ACSM6: variants seen among roughly 807,000 people sequenced by gnomAD.
The protein encoded by ACSM6 is acyl-CoA synthetase medium chain family member 6.
Under a neutral mutation model 51.1 loss-of-function variants are expected in ACSM6, and 35 were observed. The observed-to-expected ratio is 0.69, with a 90% confidence interval of 0.52 to 0.91. The LOEUF (loss-of-function observed/expected upper bound fraction) is 0.91, where lower values mean the gene tolerates loss of function less well. Ranked by LOEUF, ACSM6 falls within the 40% of genes least tolerant of loss-of-function variation. ACSM6 has a pLI of 0.00. For synonymous variants in ACSM6, 172 were observed against 207.3 expected, an observed-to-expected ratio of 0.83 and a Z score of 1.46; for missense variants, 509 against 584.1, an observed-to-expected ratio of 0.87 and a Z score of 1.32.
intron 3 of ACSM6, among the ~76,000 whole-genome samples, chr10:95,203,127 G>A (rs1401464799): frequency 6.6e-6 from 1 of 152,020 alleles, no homozygotes; most frequent in Non-Finnish European, 1.5e-5. Flanking sequence ...CCTCCTGTCA[G>A]ATCAGAGGTG....
intron 5 of ACSM6, among the ~76,000 whole-genome samples, chr10:95,211,474 G>C (rs1379195270): frequency 6.6e-6 from 1 of 152,212 alleles, no homozygotes; most frequent in Non-Finnish European, 1.5e-5. Flanking sequence ...AGCGGAAATA[G>C]GTGTATGTTC....
exon 6 of ACSM6, chr10:95,211,905 T>G (rs139893544): frequency 6.2e-7 from 1 of 1,610,704 alleles, no homozygotes. Context: ...AGCCAACAGA[T>G]GTCTTGTGGA....
intron 9 of ACSM6, among the ~76,000 whole-genome samples, chr10:95,224,683 A>C (rs1050559174): frequency 1.3e-5 from 2 of 152,052 alleles, no homozygotes; most frequent in African/African-American, 4.8e-5. Context: ...TACAGGCGTG[A>C]GCCACCACGC....
At chr10:95,197,417 G>T (rs1315896860) in intron 2 of ACSM6, among the ~76,000 whole-genome samples, 12 of 152,222 alleles carry the variant, frequency 7.9e-5, no homozygotes, top group East Asian at 5.8e-4. Flanking sequence ...AATGTAGTAG[G>T]AGGGCAGGGT....
chr10:95,225,343 A>G, exon 10 of ACSM6: 1 of 1,551,742 alleles, frequency 6.4e-7, no homozygotes. Flanking sequence ...GAAATATTGC[A>G]ATCCGCATAA....
chr10:95,198,961 C>T (rs2034763754), intron 2 of ACSM6, among the ~76,000 whole-genome samples: 1 of 152,166 alleles, frequency 6.6e-6, no homozygotes, highest in African/African-American at 2.4e-5. Context: ...CCATCTCCAT[C>T]AAGCTACCAA....
In ACSM6 at chr10:95,206,664, G is replaced by A. The variant is rs557769298; in HGVS notation, c.404-544G>A. The stretch of plus-strand genomic sequence containing the variant: ...CTAAGCCTGAAAACTAAAAAGAAGC[G>A]TCTGTCAGAAGAGCCTCTGGCACAC... On this transcript the variant is annotated intron_variant, in intron 3 of 10. Transcript: ENST00000341686. Among the ~76,000 whole-genome samples the A allele has an allele frequency of 3.1e-4, 47 of 152,258 alleles. No homozygotes were observed. In the East Asian group the frequency reaches 5.0e-3, roughly 16 times the overall value.
At chr10:95,219,681 A>G (rs532652679) in intron 8 of ACSM6, among the ~76,000 whole-genome samples, 1 of 152,072 alleles carries the variant, frequency 6.6e-6, no homozygotes, top group South Asian at 2.1e-4. Context: ...TATGGTTTAC[A>G]TGTTCTTCTG....
chr10:95,214,958 T>TA lies in ACSM6; in HGVS notation c.1103dup (p.Tyr368Ter). The change falls in exon 8 of 11, where the codon TAT (tyrosine) becomes TAAT (stop). Residue 368 changes from tyrosine to a stop codon, truncating the protein, a stop_gained and frameshift_variant. Coordinates refer to ENST00000341686, the Ensembl canonical transcript of ACSM6. LOFTEE classifies it high-confidence loss of function. ...CACTAAGTTGGACATCTATGAAGGC[T>TA]ATGGGCAGACGGAAACTGTAGGTTG... is the stretch of plus-strand genomic sequence containing the variant. 1 of 1,551,600 alleles carries TA rather than the reference T, an allele frequency of 6.4e-7. No homozygotes were observed. The highest frequency in any genetic ancestry group is 8.7e-7 in the Non-Finnish European group (1 of 1,146,904).
chr10:95,198,416 C>T (rs1247735840), intron 2 of ACSM6, among the ~76,000 whole-genome samples: 1 of 152,072 alleles, frequency 6.6e-6, no homozygotes, highest in African/African-American at 2.4e-5. Context: ...TTTGGGAGGC[C>T]GAGGCAGGTG....
chr10:95,208,154 A>G (rs1470789741), intron 4 of ACSM6, among the ~76,000 whole-genome samples: 2 of 152,020 alleles, frequency 1.3e-5, no homozygotes, highest in Non-Finnish European at 2.9e-5. Context: ...AAAAAAAAAG[A>G]AATAATGTCT....
At position 95,225,200 on chromosome 10, in the gene ACSM6, T is replaced by C. The variant is rs2133395417; in HGVS notation, c.1201-90T>C. ...ACTTTCCTGGCATCTTAAATGGGGG[T>C]AGAAAGGCTTAAGTTTAGATCTTGT... On this transcript the variant is annotated intron_variant, in intron 9 of 10. Coordinates refer to ENST00000341686, the Ensembl canonical transcript of ACSM6. 9 of 939,806 alleles carry C rather than the reference T, an allele frequency of 9.6e-6. No individual in the cohort carries two copies. In the East Asian group the frequency reaches 1.9e-4, roughly 19 times the overall value. 58.2% of individuals were successfully genotyped at this position (939,806 alleles called of 1,614,324 possible).
At chr10:95,207,830 T>C (rs55740007) in intron 4 of ACSM6, among the ~76,000 whole-genome samples, 6,407 of 152,198 alleles carry the variant, frequency 0.042, 486 homozygotes, top group African/African-American at 0.14. Context: ...GAAATCATGG[T>C]CGCACATGGT....
intron 8 of ACSM6, among the ~76,000 whole-genome samples, chr10:95,217,607 T>C (rs1430503577): frequency 2.6e-5 from 4 of 152,228 alleles, no homozygotes; most frequent in Non-Finnish European, 1.5e-5. Context: ...GGGAATTCCA[T>C]AATCTTGGTA....
At chr10:95,220,011 G>C (rs773710442) in intron 9 of ACSM6, 40 bp downstream of exon 9, 1 of 1,496,136 alleles carries the variant, frequency 6.7e-7, no homozygotes, top group East Asian at 2.3e-5. Context: ...ATATTATTAA[G>C]TGAGCTCTTA....
intron 2 of ACSM6, among the ~76,000 whole-genome samples, chr10:95,200,544 G>A (rs2034783425): frequency 6.9e-6 from 1 of 144,334 alleles, no homozygotes; most frequent in African/African-American, 2.6e-5. Context: ...AGAAGAAGAT[G>A]AAAAGAAGAA....
intron 8 of ACSM6, among the ~76,000 whole-genome samples, chr10:95,216,396 C>T (rs936390122): frequency 6.6e-6 from 1 of 152,086 alleles, no homozygotes; most frequent in African/African-American, 2.4e-5. Flanking sequence ...CCCTGGAGAT[C>T]AGGATCAAGG....
At chr10:95,212,030 T>G in exon 6 of ACSM6, 1 of 1,614,020 alleles carries the variant, frequency 6.2e-7, no homozygotes, top group Non-Finnish European at 8.5e-7. Flanking sequence ...GAGACTGTTC[T>G]AAATGTAAGA....
intron 2 of ACSM6, among the ~76,000 whole-genome samples, chr10:95,196,805 C>T (rs1238025359): frequency 6.6e-6 from 1 of 152,210 alleles, no homozygotes; most frequent in Non-Finnish European, 1.5e-5. Flanking sequence ...TACCTTTCAA[C>T]ACCAATAAAT....
Sources: allele counts gnomAD v4.1 joint callset (sites outside exome capture counted in the v4.1 genomes callset), GRCh38; gene constraint gnomAD v4.1.1; transcripts MANE v1.5; gene names NCBI Gene and HGNC (gene_info 2026-07-23, HGNC 2026-07-21).